Variants in PUS10 observed in about 807,000 individuals in gnomAD.
PUS10 encodes the protein tRNA pseudouridine synthase Pus10.
In PUS10, 59 loss-of-function variants were observed where a neutral mutation model predicts 75.0. That is an observed-to-expected ratio of 0.79 (90% confidence interval 0.64 to 0.98). The LOEUF (loss-of-function observed/expected upper bound fraction) is 0.98. PUS10 is among the 50% of genes least tolerant of loss of function. The probability of loss-of-function intolerance (pLI) is 0.00; values close to 1 mark genes in which losing one functional copy is unlikely to be tolerated. For missense variants in PUS10, 650 were observed against 614.4 expected, an observed-to-expected ratio of 1.06 and a Z score of -0.61; for synonymous variants, 219 against 211.6, an observed-to-expected ratio of 1.03 and a Z score of -0.30.
intron 4 of PUS10, among the ~76,000 whole-genome samples, chr2:60,979,619 A>C (rs1216265879): frequency 6.6e-6 from 1 of 152,106 alleles, no homozygotes; most frequent in African/African-American, 2.4e-5. Flanking sequence ...AATGTAACAG[A>C]CTGAATCTAG....
intron 2 of PUS10, chr2:61,010,417 C>T (rs1332812468): frequency 2.1e-5 from 4 of 188,920 alleles, no homozygotes; most frequent in Non-Finnish European, 4.5e-5. Flanking sequence ...ACCCCCCACC[C>T]CTGGGTTCAA....
intron 4 of PUS10, among the ~76,000 whole-genome samples, chr2:60,976,977 A>C (rs989929381): frequency 6.6e-6 from 1 of 152,192 alleles, no homozygotes; most frequent in African/African-American, 2.4e-5. Flanking sequence ...GCAGTATGTC[A>C]CCTCTGGAAA....
At chr2:60,997,350 C>T (rs1272678744) in intron 4 of PUS10, among the ~76,000 whole-genome samples, 6 of 152,124 alleles carry the variant, frequency 3.9e-5, no homozygotes, top group Non-Finnish European at 8.8e-5. Flanking sequence ...GTGGCTCACG[C>T]CTGTACTCCC....
chr2:60,961,877 C>G (rs1676047903), intron 9 of PUS10, among the ~76,000 whole-genome samples: 1 of 152,194 alleles, frequency 6.6e-6, no homozygotes, highest in Non-Finnish European at 1.5e-5. Context: ...AGTGGAAGCC[C>G]CTTCAGGCTC....
Position 61,008,869 on chromosome 2 carries a change from G to T in PUS10, c.273C>A (p.Ile91=). The part of the protein sequence containing the change: ...DNLSQNGEGR[I]SVSHVGSTAS... ...CAGTGCTTCCAACATGACTAACAGA[G>T]ATCCTTCCCTCTCCATTTTGACTTA... The change falls in exon 3 of 18, where the codon ATC becomes ATA. Residue 91 remains isoleucine, a synonymous_variant. Coordinates refer to ENST00000316752, the MANE Select transcript of PUS10 (RefSeq NM_144709.4). 3 of 1,613,762 alleles carry T rather than the reference G, an allele frequency of 1.9e-6. No individual in the cohort carries two copies. Among genetic ancestry groups the T allele is most frequent in the East Asian group, 2.2e-5 (1 of 44,840 alleles).
At chr2:60,966,592 A>G (rs895516775) in intron 6 of PUS10, 1 of 152,282 alleles carries the variant, frequency 6.6e-6, no homozygotes, top group Non-Finnish European at 1.5e-5. Flanking sequence ...TTCAAAACTG[A>G]AATTTGAGGT....
rs532927791 is a variant in PUS10, at chr2:60,976,671, A to G, written c.469-5114T>C. Among the ~76,000 whole-genome samples the G allele has an allele frequency of 2.6e-5, 4 of 152,372 alleles. No individual in the cohort carries two copies. In the East Asian group the frequency reaches 5.8e-4, roughly 22 times the overall value. On this transcript the variant is annotated intron_variant, in intron 4 of 17. Transcript: ENST00000316752. Reference sequence around the variant, plus strand: ...TGCAGGCTCCCTGCTCCAGCATGCCAGCAGATTGGACAGAACTAACCACAC... The same window carrying G: ...TGCAGGCTCCCTGCTCCAGCATGCCGGCAGATTGGACAGAACTAACCACAC...
chr2:61,006,075 C>T (rs1193222325), intron 4 of PUS10, among the ~76,000 whole-genome samples: 1 of 151,620 alleles, frequency 6.6e-6, no homozygotes, highest in Non-Finnish European at 1.5e-5. Context: ...ACAAAGAAAA[C>T]AGTTTAAAAA....
intron 8 of PUS10, among the ~76,000 whole-genome samples, chr2:60,963,781 T>G (rs957402602): frequency 6.6e-6 from 1 of 152,216 alleles, no homozygotes; most frequent in Admixed American, 6.5e-5. Flanking sequence ...TCATTCAATT[T>G]GCTCCCAGCC....
rs1674847891 is a variant in PUS10, at chr2:60,944,925, G to T, written c.1551+84C>A. The T allele has an allele frequency of 4.5e-6, 4 of 895,928 alleles. No individual in the cohort carries two copies. The Admixed American group carries it at 5.2e-5, about 12-fold the overall frequency. The allele number at this position is 895,928 out of a possible 1,614,324, so 55.5% of individuals were successfully genotyped here. On this transcript the variant is annotated intron_variant, in intron 17 of 17. Transcript: ENST00000316752. The stretch of plus-strand genomic sequence containing the variant: ...TTCTCAAATACCTATGGAGGTGGGT[G>T]ATACTAAAATGGCTTAATGCCAAAG...
chr2:60,996,676 C>G (rs923535695), intron 4 of PUS10, among the ~76,000 whole-genome samples: 8 of 151,950 alleles, frequency 5.3e-5, no homozygotes, highest in Non-Finnish European at 2.9e-5. Context: ...GACGCATGGG[C>G]AAATCACATA....
At chr2:60,987,063 G>T (rs921602255) in intron 4 of PUS10, among the ~76,000 whole-genome samples, 10 of 152,152 alleles carry the variant, frequency 6.6e-5, no homozygotes, top group Non-Finnish European at 1.5e-4. Flanking sequence ...AATTAAAAAG[G>T]ATCTCCTCAA....
chr2:60,961,819 A>G, intron 9 of PUS10, among the ~76,000 whole-genome samples: 1 of 152,192 alleles, frequency 6.6e-6, no homozygotes, highest in African/African-American at 2.4e-5. Context: ...CACCAACCTA[A>G]TACTTTCCAA....
Position 60,961,450 on chromosome 2 carries a change from C to G in PUS10, c.874+13G>C. On this transcript the variant is annotated intron_variant, in intron 10 of 17. Transcript: ENST00000316752. ...GTTCACAGTGTATGTATATTCTAGACTAAATATTTTACCAGCCACAAAAAC... is the reference window on the plus strand; with the variant it reads ...GTTCACAGTGTATGTATATTCTAGAGTAAATATTTTACCAGCCACAAAAAC... 1.2e-6 allele frequency: 2 copies of G among 1,603,472 alleles called. No homozygotes were observed. The highest frequency in any genetic ancestry group is 8.5e-7 in the Non-Finnish European group (1 of 1,170,348).
intron 16 of PUS10, among the ~76,000 whole-genome samples, chr2:60,947,030 T>G (rs1674984457): frequency 6.6e-6 from 1 of 152,170 alleles, no homozygotes; most frequent in Admixed American, 6.5e-5. Context: ...CTGATATATT[T>G]TAATCAGCGA....
intron 4 of PUS10, among the ~76,000 whole-genome samples, chr2:60,974,835 C>A (rs1463283688): frequency 6.6e-6 from 1 of 152,262 alleles, no homozygotes; most frequent in Non-Finnish European, 1.5e-5. Flanking sequence ...TGCTCCACGC[C>A]TGGCTTGCCC....
Position 60,953,956 on chromosome 2 carries a change from T to TA in PUS10, c.1166dup (p.Arg390ThrfsTer2). The TA allele has an allele frequency of 6.2e-7, 1 of 1,614,096 alleles. No homozygotes were observed. The highest frequency in any genetic ancestry group is 8.5e-7 in the Non-Finnish European group (1 of 1,179,898). The stretch of plus-strand genomic sequence containing the variant: ...ACCTTGTGACAAGCTGCAAGTCACG[T>TA]ACTTGGATTTTGTTAGATGAGTTAT... On this transcript the variant is annotated frameshift_variant, in exon 14 of 18. Transcript: ENST00000316752. LOFTEE classifies it high-confidence loss of function.
intron 7 of PUS10, 74 bp downstream of exon 7, chr2:60,965,349 G>C (rs988991351): frequency 1.2e-5 from 14 of 1,185,482 alleles, no homozygotes; most frequent in Non-Finnish European, 1.6e-5. Context: ...AGGAAGAGAA[G>C]CAATACTATT....
intron 4 of PUS10, among the ~76,000 whole-genome samples, chr2:60,982,769 G>T (rs1458365458): frequency 6.6e-6 from 1 of 151,782 alleles, no homozygotes; most frequent in Non-Finnish European, 1.5e-5. Context: ...AAATCTAATT[G>T]CATGATTTAA....
Sources: allele counts gnomAD v4.1 joint callset (sites outside exome capture counted in the v4.1 genomes callset), GRCh38; gene constraint gnomAD v4.1.1; transcripts MANE v1.5; gene names NCBI Gene and HGNC (gene_info 2026-07-23, HGNC 2026-07-21).